ARID1A: variants seen among roughly 807,000 people sequenced by gnomAD.
ARID1A encodes the protein AT-rich interactive domain-containing protein 1A.
In ARID1A, 20 loss-of-function variants were observed where a neutral mutation model predicts 212.6. That is an observed-to-expected ratio of 0.09 (90% confidence interval 0.07 to 0.14). ARID1A has a LOEUF of 0.14. Among genes scored for constraint, ARID1A ranks in the 10% least tolerant of loss-of-function variants. The probability of loss-of-function intolerance (pLI) is 1.00; values close to 1 mark genes in which losing one functional copy is unlikely to be tolerated. For missense variants in ARID1A, 2,587 were observed against 3,059.0 expected (o/e 0.85, Z 3.64); for synonymous variants, 1,376 against 1,222.1 (o/e 1.13, Z -2.63).
chr1:26,756,443 C>A (rs955724779), intron 4 of ARID1A, among the ~76,000 whole-genome samples: 30 of 151,920 alleles, frequency 2.0e-4, no homozygotes, highest in African/African-American at 7.2e-4. Context: ...GTAATCCCAG[C>A]TACTCAGGAG....
At chr1:26,722,025 C>T (rs1180502760) in intron 1 of ARID1A, among the ~76,000 whole-genome samples, 2 of 152,100 alleles carry the variant, frequency 1.3e-5, no homozygotes, top group Non-Finnish European at 2.9e-5. Context: ...TCTCTAAGCC[C>T]AGAAGAGAAT....
At chr1:26,761,633 T>C (rs1199019952) in intron 6 of ARID1A, among the ~76,000 whole-genome samples, 160 bp downstream of exon 6, 1 of 152,244 alleles carries the variant, frequency 6.6e-6, no homozygotes, top group Non-Finnish European at 1.5e-5. Context: ...ATTGTACTCA[T>C]TTATGGGGTA....
chr1:26,699,415 C>G (rs374089820), intron 1 of ARID1A, among the ~76,000 whole-genome samples: 1 of 152,178 alleles, frequency 6.6e-6, no homozygotes, highest in African/African-American at 2.4e-5. Context: ...AAACCCCTTG[C>G]GCTTTTGTGC....
intron 1 of ARID1A, among the ~76,000 whole-genome samples, chr1:26,711,507 C>T (rs1054967285): frequency 6.6e-6 from 1 of 152,148 alleles, no homozygotes. Flanking sequence ...AAAGGCCCCA[C>T]CTCCTATTAA....
In ARID1A at chr1:26,773,583, G is replaced by A. The variant is rs753683399; in HGVS notation, c.3870G>A (p.Thr1290=). Residue 1290 remains threonine (T), a synonymous_variant, in exon 16 of 20, where the codon ACG becomes ACA. Coordinates refer to ENST00000324856, the MANE Select transcript of ARID1A (RefSeq NM_006015.6). ...PYGGPYDRVR[T]EPGIGPEGNM... ...CTGCCTCTCCAATTTTGTTTAGGACGGAGCCTGGAATAGGGCCTGAGGGAA... is the reference window on the plus strand; with the variant it reads ...CTGCCTCTCCAATTTTGTTTAGGACAGAGCCTGGAATAGGGCCTGAGGGAA... The A allele has an allele frequency of 3.8e-5, 61 of 1,614,048 alleles. No homozygotes were observed. The Admixed American group carries it at 8.2e-4, about 22-fold the overall frequency.
chr1:26,751,748 A>T (rs749931821), intron 4 of ARID1A, among the ~76,000 whole-genome samples: 11 of 152,186 alleles, frequency 7.2e-5, no homozygotes, highest in Non-Finnish European at 1.3e-4. Flanking sequence ...GTATTTGGAG[A>T]TTTGGTCTCC....
chr1:26,742,437 T>G (rs2080796295), intron 4 of ARID1A, among the ~76,000 whole-genome samples: 1 of 152,176 alleles, frequency 6.6e-6, no homozygotes, highest in South Asian at 2.1e-4. Context: ...GTGTCTGTCT[T>G]CTTAGAACAT....
intron 4 of ARID1A, among the ~76,000 whole-genome samples, chr1:26,743,381 A>G (rs1293565332): frequency 2.0e-5 from 3 of 152,020 alleles, no homozygotes; most frequent in Admixed American, 6.6e-5. Context: ...CTTGAACTGT[A>G]TCTGACATCT....
In ARID1A at chr1:26,696,508, G is replaced by A. The variant is rs1301367877; in HGVS notation, c.105G>A (p.Ala35=). Residue 35 remains alanine (A), a synonymous_variant, in exon 1 of 20, where the codon GCG becomes GCA. Coordinates refer to ENST00000324856, the MANE Select transcript of ARID1A (RefSeq NM_006015.6). ...CCGAGCAGCAGCAGCGGGAGGAGGC[G>A]GGGGGCGAGGCGGCGGCGGCGGCAG... ...KKAEQQQREE[A]GGEAAAAAAA... 9 of 1,229,934 alleles carry A rather than the reference G, an allele frequency of 7.3e-6. No homozygotes were observed. The highest frequency in any genetic ancestry group is 9.1e-6 in the Non-Finnish European group (9 of 988,464). The allele number at this position is 1,229,934 out of a possible 1,614,324, so 76.2% of individuals were successfully genotyped here. A position where few individuals can be genotyped will look rare whatever the true frequency, so the allele number is the denominator to read the frequency against.
chr1:26,716,438 A>C (rs1570561660), intron 1 of ARID1A, among the ~76,000 whole-genome samples: 1 of 152,164 alleles, frequency 6.6e-6, no homozygotes, highest in African/African-American at 2.4e-5. Context: ...GGAGAACAAC[A>C]CAACTGTTTT....
intron 1 of ARID1A, among the ~76,000 whole-genome samples, chr1:26,710,376 G>T (rs1004786507): frequency 4.5e-5 from 6 of 134,360 alleles, no homozygotes; most frequent in Non-Finnish European, 1.0e-4. Flanking sequence ...AGAGGTTGCA[G>T]TGAGCCGAGA....
At chr1:26,711,720 G>A (rs771353952) in intron 1 of ARID1A, among the ~76,000 whole-genome samples, 32 of 152,022 alleles carry the variant, frequency 2.1e-4, no homozygotes, top group Non-Finnish European at 3.8e-4. Context: ...TTAGTTCTTC[G>A]GCAATATGGC....
intron 12 of ARID1A, chr1:26,772,173 G>A (rs1252197385): frequency 6.8e-6 from 2 of 295,282 alleles, no homozygotes; most frequent in Admixed American, 4.3e-5. Flanking sequence ...AGCATTACAG[G>A]GTTTAGTAGG....
In ARID1A at chr1:26,781,179, A is replaced by T; in HGVS notation, c.*423A>T. ...AATGGTAAAAAAAAAAAAAAAAAAT[A>T]CAAAAAAAAATTCTGAAGGACAAAA... is the stretch of plus-strand genomic sequence containing the variant. On this transcript the variant is annotated 3_prime_UTR_variant, in exon 20 of 20. Coordinates refer to ENST00000324856, the MANE Select transcript of ARID1A (RefSeq NM_006015.6). The T allele has an allele frequency of 4.2e-6, 1 of 238,052 alleles. No homozygotes were observed. Among genetic ancestry groups the T allele is most frequent in the African/African-American group, 2.2e-5 (1 of 45,106 alleles). 14.7% of individuals were successfully genotyped at this position (238,052 alleles called of 1,614,324 possible). A position where few individuals can be genotyped will look rare whatever the true frequency, so the allele number is the denominator to read the frequency against.
intron 1 of ARID1A, among the ~76,000 whole-genome samples, chr1:26,723,948 T>G (rs751462639): frequency 6.6e-6 from 1 of 152,184 alleles, no homozygotes; most frequent in Non-Finnish European, 1.5e-5. Context: ...TTAGGCAGTC[T>G]GCCCTCAATT....
chr1:26,743,796 A>T (rs974482829), intron 4 of ARID1A, among the ~76,000 whole-genome samples: 10 of 152,066 alleles, frequency 6.6e-5, no homozygotes, highest in African/African-American at 2.2e-4. Flanking sequence ...AAAAAAAAAA[A>T]AAAAAAATTA....
chr1:26,718,310 A>T (rs1233900899), intron 1 of ARID1A, among the ~76,000 whole-genome samples: 3 of 152,136 alleles, frequency 2.0e-5, no homozygotes, highest in Non-Finnish European at 4.4e-5. Context: ...TTCGACCCTG[A>T]AGTGTGGTAC....
chr1:26,696,398 G>C lies in ARID1A; in HGVS notation c.-6G>C, dbSNP rs530387636. 3 of 1,273,842 alleles carry C rather than the reference G, an allele frequency of 2.4e-6. No homozygotes were observed. Among genetic ancestry groups the C allele is most frequent in the African/African-American group, 3.1e-5 (2 of 63,738 alleles). 78.9% of individuals were successfully genotyped at this position (1,273,842 alleles called of 1,614,324 possible). On this transcript the variant is annotated 5_prime_UTR_variant, in exon 1 of 20. Transcript: ENST00000324856. ...GGGTCTCTCCGCGGACGAGACAGCG[G>C]GGATCATGGCCGCGCAGGTCGCCCC...
At position 26,779,316 on chromosome 1, in the gene ARID1A, C is replaced by G. The variant is rs2081167934; in HGVS notation, c.5418C>G (p.Ile1806Met). ...PASENSEEKL[I>M]SKFDKLPVKI... ...CAGAGAATAGTGAGGAGAAGCTGAT[C>G]AGTAAGTTTGACAAGCTTCCAGTAA... Residue 1806 changes from isoleucine to methionine, a missense_variant, in exon 20 of 20, where the codon ATC becomes ATG. This residue lies in a region of ARID1A where 890 missense variants were observed against 1,098.2 expected (regional missense o/e 0.81). Coordinates refer to ENST00000324856, the MANE Select transcript of ARID1A (RefSeq NM_006015.6). 2 of 1,614,096 alleles carry G rather than the reference C, an allele frequency of 1.2e-6. No homozygotes were observed. Among genetic ancestry groups the G allele is most frequent in the Admixed American group, 1.7e-5 (1 of 60,010 alleles).
Sources: gnomAD v4.1 joint callset for allele counts (sites outside exome capture counted in the v4.1 genomes callset) on GRCh38, gnomAD v4.1.1 for gene constraint, gnomAD v4.1.1 regional missense constraint, MANE v1.5 for transcripts, NCBI Gene and HGNC (gene_info 2026-07-23, HGNC 2026-07-21) for gene names.